Variants in CDH13 observed in about 807,000 individuals in gnomAD.
CDH13 encodes cadherin 13.
In CDH13, 24 loss-of-function variants were observed where a neutral mutation model predicts 63.8. The ratio of observed to expected loss-of-function variants is 0.38; its 90% CI spans 0.27 to 0.53. The LOEUF (loss-of-function observed/expected upper bound fraction) is 0.53. Ranked by LOEUF, CDH13 falls within the 20% of genes least tolerant of loss-of-function variation. The probability of loss-of-function intolerance (pLI) is 0.85; values close to 1 mark genes in which losing one functional copy is unlikely to be tolerated. For missense variants in CDH13, 1,049 were observed against 903.1 expected, an observed-to-expected ratio of 1.16 and a Z score of -2.07; for synonymous variants, 503 against 355.3, an observed-to-expected ratio of 1.42 and a Z score of -4.67.
At chr16:82,932,170 T>C (rs2042517340) in intron 2 of CDH13, among the ~76,000 whole-genome samples, 1 of 152,196 alleles carries the variant, frequency 6.6e-6, no homozygotes, top group Admixed American at 6.5e-5. Flanking sequence ...TTGAGTCATA[T>C]AGATGTAGGC....
chr16:83,276,734 G>A (rs533625848), intron 5 of CDH13, among the ~76,000 whole-genome samples: 47 of 152,216 alleles, frequency 3.1e-4, no homozygotes, highest in African/African-American at 1.1e-3. Context: ...ACCTTGGCAT[G>A]GTGACAGGCA....
At chr16:83,085,427 G>A (rs1217868674) in intron 3 of CDH13, among the ~76,000 whole-genome samples, 1 of 152,104 alleles carries the variant, frequency 6.6e-6, no homozygotes, top group Non-Finnish European at 1.5e-5. Context: ...CACTCCTCAT[G>A]GTGTGCAAGA....
chr16:83,470,430 A>C (rs1342747586), intron 6 of CDH13, among the ~76,000 whole-genome samples: 1 of 152,182 alleles, frequency 6.6e-6, no homozygotes, highest in Admixed American at 6.5e-5. Flanking sequence ...ATCCCTTTGC[A>C]TAGGCCATAG....
intron 6 of CDH13, among the ~76,000 whole-genome samples, chr16:83,428,391 T>C (rs534411179): frequency 1.2e-4 from 18 of 152,150 alleles, no homozygotes; most frequent in African/African-American, 4.3e-4. Flanking sequence ...TTAACTCCAA[T>C]ATTTTCCTGA....
intron 2 of CDH13, among the ~76,000 whole-genome samples, chr16:82,965,436 A>G (rs72790181): frequency 0.12 from 18,477 of 152,238 alleles, 1,355 homozygotes; most frequent in East Asian, 0.2. Context: ...GAGACTATCA[A>G]TGTACGTTTC....
intron 5 of CDH13, among the ~76,000 whole-genome samples, chr16:83,307,609 C>G (rs143821612): frequency 6.6e-5 from 10 of 152,246 alleles, no homozygotes; most frequent in African/African-American, 2.4e-4. Flanking sequence ...TGTTTGGTTA[C>G]AAAGTAAAAT....
At chr16:83,479,976 A>G (rs767626701) in intron 6 of CDH13, among the ~76,000 whole-genome samples, 3 of 152,214 alleles carry the variant, frequency 2.0e-5, no homozygotes, top group Non-Finnish European at 4.4e-5. Context: ...AGGCTCAGAG[A>G]GCATTGATTC....
At chr16:83,250,008 A>G (rs552124983) in intron 5 of CDH13, among the ~76,000 whole-genome samples, 1 of 152,210 alleles carries the variant, frequency 6.6e-6, no homozygotes, top group Non-Finnish European at 1.5e-5. Context: ...TTTCATTGCA[A>G]TAGGAGTGTA....
At chr16:83,511,444 A>C (rs1182809903) in intron 7 of CDH13, among the ~76,000 whole-genome samples, 2 of 151,636 alleles carry the variant, frequency 1.3e-5, no homozygotes, top group African/African-American at 4.9e-5. Flanking sequence ...CCTGGGGGAC[A>C]GAGTGAGATT....
At chr16:82,671,272 T>C (rs61536701) in intron 1 of CDH13, among the ~76,000 whole-genome samples, 4,831 of 152,308 alleles carry the variant, frequency 0.032, 191 homozygotes, top group African/African-American at 0.1. Flanking sequence ...GGGTTTTTTA[T>C]TTTTTGGTGT....
At chr16:83,336,013 A>G (rs2090587067) in intron 5 of CDH13, among the ~76,000 whole-genome samples, 1 of 151,936 alleles carries the variant, frequency 6.6e-6, no homozygotes, top group African/African-American at 2.4e-5. Flanking sequence ...ATTACTAGAT[A>G]TTTGGGGCCA....
intron 1 of CDH13, among the ~76,000 whole-genome samples, chr16:82,850,839 T>A (rs2151151713): frequency 6.6e-6 from 1 of 152,312 alleles, no homozygotes; most frequent in Admixed American, 6.5e-5. Context: ...ATCATTAGCA[T>A]TTTTTAGTAA....
chr16:83,110,523 G>A (rs971030906), intron 3 of CDH13, among the ~76,000 whole-genome samples: 1 of 152,176 alleles, frequency 6.6e-6, no homozygotes, highest in African/African-American at 2.4e-5. Context: ...CTGAGTCACT[G>A]TATGTAGAGG....
intron 1 of CDH13, among the ~76,000 whole-genome samples, chr16:82,666,780 A>C (rs1912636586): frequency 6.6e-6 from 1 of 152,192 alleles, no homozygotes; most frequent in Non-Finnish European, 1.5e-5. Context: ...CACAGATGGA[A>C]GCTGGTGAAT....
Position 83,345,011 on chromosome 16 carries a change from G to T in CDH13, c.781+5G>T. The T allele has an allele frequency of 6.2e-7, 1 of 1,613,610 alleles. No individual in the cohort carries two copies. Among genetic ancestry groups the T allele is most frequent in the Non-Finnish European group, 8.5e-7 (1 of 1,179,636 alleles). ...TCATGGAAGGGTCACCCACAGGTATGTCACATTGGCTTACCTTTAGCGTAA... is the reference window on the plus strand; with the variant it reads ...TCATGGAAGGGTCACCCACAGGTATTTCACATTGGCTTACCTTTAGCGTAA... On this transcript the variant is annotated splice_donor_5th_base_variant and intron_variant, in intron 6 of 13. Coordinates refer to ENST00000567109, the MANE Select transcript of CDH13 (RefSeq NM_001257.5).
chr16:83,357,492 G>T (rs966222505), intron 6 of CDH13, among the ~76,000 whole-genome samples: 1 of 152,086 alleles, frequency 6.6e-6, no homozygotes, highest in Non-Finnish European at 1.5e-5. Context: ...CTAAAACTCA[G>T]GTAACCCAAG....
intron 1 of CDH13, among the ~76,000 whole-genome samples, chr16:82,634,699 A>G (rs1908436059): frequency 6.6e-6 from 1 of 152,206 alleles, no homozygotes; most frequent in Non-Finnish European, 1.5e-5. Context: ...TCCCTAAAAG[A>G]AAAAGTTTCC....
intron 4 of CDH13, among the ~76,000 whole-genome samples, chr16:83,152,523 A>G (rs941652386): frequency 6.6e-6 from 1 of 152,120 alleles, no homozygotes; most frequent in Non-Finnish European, 1.5e-5. Context: ...ATTTTTTTCT[A>G]CTTGAAATAT....
chr16:82,702,524 A>T (rs1484325288), intron 1 of CDH13, among the ~76,000 whole-genome samples: 2 of 152,118 alleles, frequency 1.3e-5, no homozygotes, highest in Non-Finnish European at 2.9e-5. Flanking sequence ...TCATTAAGAG[A>T]AGTTAATGGA....
Sources: allele counts gnomAD v4.1 joint callset (sites outside exome capture counted in the v4.1 genomes callset), GRCh38; gene constraint gnomAD v4.1.1; transcripts MANE v1.5; gene names NCBI Gene and HGNC (gene_info 2026-07-23, HGNC 2026-07-21).